The following EPHA6 variants were observed in gnomAD, a reference collection of about 807,000 sequenced individuals.
EPHA6 encodes the protein EPH receptor A6.
EPHA6 carries 50 observed loss-of-function variants against 112.0 expected under a neutral mutation model. The ratio of observed to expected loss-of-function variants is 0.45; its 90% CI spans 0.36 to 0.56. EPHA6 has a LOEUF of 0.56. Among genes scored for constraint, EPHA6 ranks in the 20% least tolerant of loss-of-function variants. EPHA6 has a pLI of 0.00. For missense variants in EPHA6, 1,280 were observed against 1,417.4 expected (o/e 0.90, Z 1.56); for synonymous variants, 529 against 490.7 (o/e 1.08, Z -1.03).
chr3:97,339,657 A>G (rs934368339), intron 5 of EPHA6, among the ~76,000 whole-genome samples: 4 of 152,222 alleles, frequency 2.6e-5, no homozygotes, highest in African/African-American at 4.8e-5. Context: ...ATTAAAATAT[A>G]TAAGAAAGGC....
chr3:97,134,792 A>G (rs2075728906), intron 3 of EPHA6, among the ~76,000 whole-genome samples: 1 of 152,170 alleles, frequency 6.6e-6, no homozygotes, highest in Admixed American at 6.6e-5. Flanking sequence ...GAAATTTCAA[A>G]TAATTGCATG....
chr3:97,065,916 G>A (rs973162677), intron 3 of EPHA6, among the ~76,000 whole-genome samples: 11 of 151,664 alleles, frequency 7.3e-5, no homozygotes, highest in African/African-American at 4.8e-5. Context: ...AATACATATG[G>A]CATGCAGATG....
chr3:96,977,259 T>G lies in EPHA6; in HGVS notation c.451-10071T>G, dbSNP rs111770427. 5.1e-3 allele frequency among the ~76,000 whole-genome samples: 775 copies of G among 151,734 alleles called. 7 individuals carry two copies. Among genetic ancestry groups the G allele is most frequent in the African/African-American group, 0.017 (702 of 41,050 alleles). On this transcript the variant is annotated intron_variant, in intron 2 of 17. Transcript: ENST00000389672. The stretch of plus-strand genomic sequence containing the variant: ...AGGCTATTATCTTAAATGAAACAAC[T>G]GACACATAGAAAGACAAATACTGCA...
At chr3:97,541,561 A>G (rs1382520989) in intron 11 of EPHA6, among the ~76,000 whole-genome samples, 1 of 152,110 alleles carries the variant, frequency 6.6e-6, no homozygotes, top group East Asian at 1.9e-4. Context: ...GATCCAGTCC[A>G]GGATCCCACA....
intron 1 of EPHA6, among the ~76,000 whole-genome samples, chr3:96,845,171 T>G (rs983881047): frequency 6.6e-6 from 1 of 151,940 alleles, no homozygotes; most frequent in Non-Finnish European, 1.5e-5. Flanking sequence ...AGAAGAAAAT[T>G]AATTTCCAGA....
rs528966908 is a variant in EPHA6, at chr3:97,689,867, A to G, written c.2785-30394A>G. Among the ~76,000 whole-genome samples, 13 of 152,292 alleles carry G rather than the reference A, an allele frequency of 8.5e-5. No homozygotes were observed. In the South Asian group the frequency reaches 1.9e-3, roughly 22 times the overall value. On this transcript the variant is annotated intron_variant, in intron 14 of 17. Coordinates refer to ENST00000389672, the MANE Select transcript of EPHA6 (RefSeq NM_001080448.3). Reference sequence around the variant, plus strand: ...TTTCTGTGTTTTCTGATGGTGGACAAATGGGATCACCCAACACATGGTCTT... The same window carrying G: ...TTTCTGTGTTTTCTGATGGTGGACAGATGGGATCACCCAACACATGGTCTT...
At chr3:97,121,350 T>C (rs151308712) in intron 3 of EPHA6, among the ~76,000 whole-genome samples, 57 of 152,092 alleles carry the variant, frequency 3.7e-4, no homozygotes, top group African/African-American at 1.3e-3. Flanking sequence ...TAGAAATATG[T>C]TGAGATAGAA....
At chr3:97,254,979 C>T (rs977234423) in intron 5 of EPHA6, among the ~76,000 whole-genome samples, 1 of 152,108 alleles carries the variant, frequency 6.6e-6, no homozygotes, top group African/African-American at 2.4e-5. Context: ...TACTTATTTC[C>T]AATTTGCAAG....
intron 16 of EPHA6, among the ~76,000 whole-genome samples, chr3:97,739,385 A>G (rs553488980): frequency 5.8e-4 from 86 of 149,312 alleles, no homozygotes; most frequent in African/African-American, 2.1e-3. Flanking sequence ...TTTTTTCTCA[A>G]GACTCACCTG....
intron 2 of EPHA6, among the ~76,000 whole-genome samples, chr3:96,921,753 A>T (rs1354425406): frequency 2.0e-5 from 3 of 151,948 alleles, no homozygotes; most frequent in Non-Finnish European, 4.4e-5. Context: ...TTTTTAGTAG[A>T]GATGGGGTTT....
intron 3 of EPHA6, among the ~76,000 whole-genome samples, chr3:97,110,358 C>G (rs1363327525): frequency 6.6e-6 from 1 of 152,058 alleles, no homozygotes; most frequent in African/African-American, 2.4e-5. Flanking sequence ...AAATCAAACT[C>G]AGCTCTGTTT....
At chr3:97,396,274 A>G (rs2086688566) in intron 5 of EPHA6, among the ~76,000 whole-genome samples, 1 of 149,600 alleles carries the variant, frequency 6.7e-6, no homozygotes, top group Non-Finnish European at 1.5e-5. Flanking sequence ...ACACACACAC[A>G]ATGAGCACGT....
intron 3 of EPHA6, among the ~76,000 whole-genome samples, chr3:97,089,639 C>T (rs1174195918): frequency 6.6e-6 from 1 of 152,116 alleles, no homozygotes; most frequent in Non-Finnish European, 1.5e-5. Flanking sequence ...TATGCCTGTT[C>T]TCCTCTGGAT....
chr3:97,088,471 G>A (rs1263708946), intron 3 of EPHA6, among the ~76,000 whole-genome samples: 1 of 152,112 alleles, frequency 6.6e-6, no homozygotes, highest in Non-Finnish European at 1.5e-5. Flanking sequence ...GGTCCCTCAA[G>A]TCTGTGGGTT....
chr3:97,010,239 T>A, intron 3 of EPHA6: 1 of 491,166 alleles, frequency 2.0e-6, no homozygotes, highest in Non-Finnish European at 3.2e-6. Flanking sequence ...ATTTGTAATA[T>A]CATGTAATAA....
At chr3:96,844,100 G>T (rs942998382) in intron 1 of EPHA6, among the ~76,000 whole-genome samples, 3 of 151,864 alleles carry the variant, frequency 2.0e-5, no homozygotes. Flanking sequence ...AAGATTCTGG[G>T]GTGTATACTT....
At chr3:97,717,231 C>CTA (rs2034285274) in intron 14 of EPHA6, among the ~76,000 whole-genome samples, 1 of 48,800 alleles carries the variant, frequency 2.0e-5, no homozygotes, top group East Asian at 7.3e-4. Context: ...AACTCCATCT[C>CTA]AAAAAAAAAA....
chr3:97,509,961 C>A (rs1270387282), intron 10 of EPHA6, among the ~76,000 whole-genome samples: 1 of 152,142 alleles, frequency 6.6e-6, no homozygotes, highest in African/African-American at 2.4e-5. Context: ...GATATCTTTT[C>A]TTCCACTTGA....
intron 14 of EPHA6, among the ~76,000 whole-genome samples, chr3:97,687,355 A>G (rs1203368482): frequency 6.6e-6 from 1 of 152,200 alleles, no homozygotes; most frequent in Non-Finnish European, 1.5e-5. Context: ...ACAAGTAGTT[A>G]TATATTTTTT....
Sources: allele counts gnomAD v4.1 joint callset (sites outside exome capture counted in the v4.1 genomes callset), GRCh38; gene constraint gnomAD v4.1.1; transcripts MANE v1.5; gene names NCBI Gene and HGNC (gene_info 2026-07-23, HGNC 2026-07-21).